Variants in EPHA7 observed in about 807,000 individuals in gnomAD.
EPHA7 encodes EPH receptor A7, also known as ephrin type-A receptor 7.
EPHA7 carries 25 observed loss-of-function variants against 112.6 expected under a neutral mutation model. The observed-to-expected ratio is 0.22, with a 90% CI of 0.16 to 0.31. EPHA7 has a LOEUF of 0.31. EPHA7 is among the 10% of genes least tolerant of loss of function. The pLI is 1.00. For missense variants in EPHA7, 962 were observed against 1,212.6 expected, an observed-to-expected ratio of 0.79 and a Z score of 3.07; for synonymous variants, 437 against 406.5, an observed-to-expected ratio of 1.07 and a Z score of -0.90.
intron 9 of EPHA7, 151 bp downstream of exon 9, chr6:93,263,709 A>C: frequency 2.0e-6 from 1 of 489,650 alleles, no homozygotes; most frequent in Non-Finnish European, 3.6e-6. Context: ...TTTTAATTCT[A>C]AACATCTGAT....
intron 1 of EPHA7, among the ~76,000 whole-genome samples, chr6:93,417,105 A>G (rs1779273888): frequency 6.6e-6 from 1 of 152,138 alleles, no homozygotes; most frequent in African/African-American, 2.4e-5. Context: ...AGAAAAAGTA[A>G]GCAGCTGCAC....
intron 14 of EPHA7, among the ~76,000 whole-genome samples, chr6:93,251,801 T>C (rs1227871695): frequency 6.6e-6 from 1 of 152,050 alleles, no homozygotes; most frequent in African/African-American, 2.4e-5. Flanking sequence ...AGATTTTTCT[T>C]TGAAAAGTCA....
chr6:93,266,480 T>C (rs1336562843), intron 7 of EPHA7, among the ~76,000 whole-genome samples: 1 of 151,720 alleles, frequency 6.6e-6, no homozygotes, highest in East Asian at 1.9e-4. Context: ...AATCTTTCCA[T>C]AGTTGACATT....
intron 5 of EPHA7, among the ~76,000 whole-genome samples, chr6:93,340,158 A>C (rs570274017): frequency 7.9e-5 from 12 of 151,898 alleles, no homozygotes; most frequent in African/African-American, 2.9e-4. Context: ...GTAAAATATG[A>C]ATTCATATAT....
intron 5 of EPHA7, among the ~76,000 whole-genome samples, chr6:93,335,259 A>C (rs904019484): frequency 1.3e-5 from 2 of 152,098 alleles, no homozygotes; most frequent in Non-Finnish European, 2.9e-5. Flanking sequence ...AAATATTATA[A>C]AAATTATTCT....
At position 93,268,258 on chromosome 6, in the gene EPHA7, A is replaced by C. The variant is rs1033084202; in HGVS notation, c.1633+1219T>G. On this transcript the variant is annotated intron_variant, in intron 7 of 16. Coordinates refer to ENST00000369303, the MANE Select transcript of EPHA7 (RefSeq NM_004440.4). Reference sequence around the variant, plus strand: ...ATGATTTATATGTCAAAATGATTTCAGCATACGTTTTTATTATTTGTGGCT... The same window carrying C: ...ATGATTTATATGTCAAAATGATTTCCGCATACGTTTTTATTATTTGTGGCT... Among the ~76,000 whole-genome samples the C allele has an allele frequency of 2.0e-5, 3 of 151,712 alleles. No individual in the cohort carries two copies. In the East Asian group the frequency reaches 5.8e-4, roughly 29 times the overall value.
At chr6:93,346,710 T>C (rs1775423494) in intron 5 of EPHA7, among the ~76,000 whole-genome samples, 1 of 151,786 alleles carries the variant, frequency 6.6e-6, no homozygotes, top group South Asian at 2.1e-4. Context: ...GCTTTTTGTA[T>C]TTTTCCCCTA....
intron 5 of EPHA7, among the ~76,000 whole-genome samples, chr6:93,336,545 G>GGT (rs1774881651): frequency 1.3e-5 from 2 of 152,090 alleles, no homozygotes; most frequent in Non-Finnish European, 2.9e-5. Context: ...TGGGACTACA[G>GGT]GCACGTGCCA....
intron 12 of EPHA7, among the ~76,000 whole-genome samples, chr6:93,257,149 C>G (rs1470360004): frequency 1.3e-5 from 2 of 152,014 alleles, no homozygotes; most frequent in Admixed American, 1.3e-4. Flanking sequence ...CATATTATCT[C>G]TATATTTCAT....
At chr6:93,251,159 G>C (rs1488659890) in intron 14 of EPHA7, among the ~76,000 whole-genome samples, 1 of 151,944 alleles carries the variant, frequency 6.6e-6, no homozygotes, top group Non-Finnish European at 1.5e-5. Flanking sequence ...TCACTTATGA[G>C]ATTTTGGCAA....
At chr6:93,287,419 A>G (rs12663435) in intron 5 of EPHA7, among the ~76,000 whole-genome samples, 36,153 of 151,150 alleles carry the variant, frequency 0.24, 4,633 homozygotes, top group East Asian at 0.5. Context: ...CTCAATCCCT[A>G]CTTTTCTTGG....
At chr6:93,251,161 T>C (rs1448256265) in intron 14 of EPHA7, among the ~76,000 whole-genome samples, 6 of 152,042 alleles carry the variant, frequency 3.9e-5, no homozygotes, top group Non-Finnish European at 5.9e-5. Flanking sequence ...ACTTATGAGA[T>C]TTTGGCAAAG....
intron 5 of EPHA7, among the ~76,000 whole-genome samples, chr6:93,290,813 A>G (rs1294221606): frequency 6.6e-6 from 1 of 152,158 alleles, no homozygotes; most frequent in African/African-American, 2.4e-5. Context: ...CCAGTGTCCT[A>G]GCATTTTAAG....
chr6:93,358,450 G>T, intron 3 of EPHA7, 39 bp from the exon 4 acceptor site: 13 of 1,465,572 alleles, frequency 8.9e-6, no homozygotes, highest in South Asian at 2.8e-5. Context: ...AGACATGAGA[G>T]CAAATCGATC....
chr6:93,350,509 C>G (rs1434456926), intron 5 of EPHA7, among the ~76,000 whole-genome samples: 2 of 151,974 alleles, frequency 1.3e-5, no homozygotes, highest in African/African-American at 2.4e-5. Flanking sequence ...CTTAACAACT[C>G]CACAAATTTA....
At position 93,401,891 on chromosome 6, in the gene EPHA7, T is replaced by C. The variant is rs144336088; in HGVS notation, c.832+8610A>G. Among the ~76,000 whole-genome samples the C allele has an allele frequency of 4.3e-3, 649 of 152,138 alleles. 8 individuals are homozygous for C. The highest frequency in any genetic ancestry group is 0.015 in the African/African-American group (603 of 41,570). ...ATTATTTCTATAAAATAACTAATGA[T>C]AGACAATATCATCATGAATATTTCA... On this transcript the variant is annotated intron_variant, in intron 3 of 16. Transcript: ENST00000369303.
At chr6:93,265,227 A>G (rs1770875117) in intron 7 of EPHA7, among the ~76,000 whole-genome samples, 2 of 151,740 alleles carry the variant, frequency 1.3e-5, no homozygotes, top group Non-Finnish European at 3.0e-5. Flanking sequence ...ACTATAATTC[A>G]GGAAAAAGAT....
Position 93,361,026 on chromosome 6 carries a change from TAGAA to T in EPHA7, c.833-2619_833-2616del, listed in dbSNP as rs546444244. ...CTAATTGAAAGCTATTACTTTAACTTAGAAAGCTATGAAATAATATCCCAACATA... is the reference window on the plus strand; with the variant it reads ...CTAATTGAAAGCTATTACTTTAACTTAGCTATGAAATAATATCCCAACATA... On this transcript the variant is annotated intron_variant, in intron 3 of 16. Coordinates refer to ENST00000369303, the MANE Select transcript of EPHA7 (RefSeq NM_004440.4). Among the ~76,000 whole-genome samples the T allele has an allele frequency of 1.4e-3, 212 of 152,182 alleles. 3 individuals are homozygous for T. The highest frequency in any genetic ancestry group is 6.6e-3 in the South Asian group (32 of 4,830).
chr6:93,264,680 C>G lies in EPHA7; in HGVS notation c.1656G>C (p.Gln552His), dbSNP rs1459246528. Reference sequence around the variant, plus strand: ...CCACAGCAATGATAATAACAGGATTCTGTTCACTGGAGACAGCTGTAGCTG... The same window carrying G: ...CCACAGCAATGATAATAACAGGATTGTGTTCACTGGAGACAGCTGTAGCTG... ...MFEATAVSSE[Q>H]NPVIIIAVVA... The change falls in exon 8 of 17, where the codon CAG becomes CAC. Residue 552 changes from glutamine (Q) to histidine (H), a missense_variant. By Grantham distance (24) the Gln-to-His change is conservative. Around this residue, in one of 3 missense-constraint regions of EPHA7, gnomAD observed 746 missense variants for 889.2 expected, o/e 0.84. Coordinates refer to ENST00000369303, the MANE Select transcript of EPHA7 (RefSeq NM_004440.4). 1 of 1,605,116 alleles carries G rather than the reference C, an allele frequency of 6.2e-7. No individual in the cohort carries two copies.
Sources: gnomAD v4.1 joint callset for allele counts (sites outside exome capture counted in the v4.1 genomes callset) on GRCh38, gnomAD v4.1.1 for gene constraint, gnomAD v4.1.1 regional missense constraint, MANE v1.5 for transcripts, NCBI Gene and HGNC (gene_info 2026-07-23, HGNC 2026-07-21) for gene names.